Variants in PTPRD observed in about 807,000 individuals in gnomAD.
PTPRD encodes receptor-type tyrosine-protein phosphatase delta.
A neutral mutation model predicts 214.5 loss-of-function variants in PTPRD; 34 were observed. The observed-to-expected ratio is 0.16, with a 90% CI of 0.12 to 0.21. The LOEUF is 0.21. PTPRD is among the 10% of genes least tolerant of loss of function. PTPRD has a pLI of 1.00. For synonymous variants in PTPRD, 1,128 were observed against 845.7 expected, an observed-to-expected ratio of 1.33 and a Z score of -5.79; for missense variants, 2,545 against 2,398.7, an observed-to-expected ratio of 1.06 and a Z score of -1.27.
intron 2 of PTPRD, among the ~76,000 whole-genome samples, chr9:10,364,303 T>C (rs1200602103): frequency 6.6e-6 from 1 of 151,924 alleles, no homozygotes; most frequent in East Asian, 1.9e-4. Context: ...TCCCAGTCTA[T>C]TACCTCCACG....
At chr9:9,623,888 T>G (rs2095330363) in intron 7 of PTPRD, among the ~76,000 whole-genome samples, 1 of 152,188 alleles carries the variant, frequency 6.6e-6, no homozygotes, top group African/African-American at 2.4e-5. Flanking sequence ...TCTCTTAGAT[T>G]GCCCAAAACT....
At chr9:8,670,892 G>C (rs754746165) in intron 12 of PTPRD, among the ~76,000 whole-genome samples, 1 of 152,202 alleles carries the variant, frequency 6.6e-6, no homozygotes, top group African/African-American at 2.4e-5. Flanking sequence ...ACATTTGAGA[G>C]AGCAGCTGAG....
At chr9:8,810,404 T>G (rs578207665) in intron 11 of PTPRD, among the ~76,000 whole-genome samples, 1 of 152,178 alleles carries the variant, frequency 6.6e-6, no homozygotes, top group Non-Finnish European at 1.5e-5. Flanking sequence ...AATTCAAACA[T>G]CACCCTGGAT....
intron 8 of PTPRD, among the ~76,000 whole-genome samples, chr9:9,408,256 C>G (rs1481203244): frequency 1.3e-5 from 2 of 151,930 alleles, no homozygotes; most frequent in African/African-American, 4.8e-5. Flanking sequence ...GGTATCACTT[C>G]TTAAACTTTT....
At chr9:9,555,649 C>A (rs185366228) in intron 8 of PTPRD, among the ~76,000 whole-genome samples, 1 of 152,038 alleles carries the variant, frequency 6.6e-6, no homozygotes, top group African/African-American at 2.4e-5. Context: ...TGTTGTAAAT[C>A]TAGTACAAGA....
chr9:10,265,653 G>C (rs1469408270), intron 3 of PTPRD, among the ~76,000 whole-genome samples: 1 of 152,116 alleles, frequency 6.6e-6, no homozygotes, highest in Non-Finnish European at 1.5e-5. Context: ...AAATAAATGA[G>C]CAAGGCTGTG....
chr9:9,356,373 CTTG>C (rs963590527), intron 9 of PTPRD, among the ~76,000 whole-genome samples: 1 of 151,256 alleles, frequency 6.6e-6, no homozygotes, highest in African/African-American at 2.4e-5. Context: ...GCAGATTATT[CTTG>C]TTGTATAACA....
intron 10 of PTPRD, among the ~76,000 whole-genome samples, chr9:9,180,473 G>C (rs1271095773): frequency 1.3e-5 from 2 of 148,330 alleles, no homozygotes; most frequent in East Asian, 4.0e-4. Flanking sequence ...CGGAGGGATA[G>C]CATTAGGAGA....
At chr9:9,725,554 A>G (rs1007431506) in intron 7 of PTPRD, among the ~76,000 whole-genome samples, 2 of 152,158 alleles carry the variant, frequency 1.3e-5, no homozygotes, top group African/African-American at 4.8e-5. Flanking sequence ...TCCTCTGTCT[A>G]CATTCAGGGC....
intron 10 of PTPRD, among the ~76,000 whole-genome samples, chr9:9,035,877 C>T (rs746111770): frequency 6.6e-6 from 1 of 151,822 alleles, no homozygotes. Context: ...GAGAGAATTT[C>T]TGGGTTGGGA....
intron 3 of PTPRD, among the ~76,000 whole-genome samples, chr9:10,278,105 G>A (rs1393025706): frequency 1.3e-5 from 2 of 151,512 alleles, no homozygotes; most frequent in African/African-American, 2.4e-5. Context: ...GCGAAGAGCC[G>A]AGATAGCGCC....
chr9:8,651,719 GC>G (rs1433860580), intron 12 of PTPRD, among the ~76,000 whole-genome samples: 1 of 152,078 alleles, frequency 6.6e-6, no homozygotes, highest in Non-Finnish European at 1.5e-5. Context: ...AGGGGGAAGG[GC>G]CGTTTTTTCT....
intron 5 of PTPRD, among the ~76,000 whole-genome samples, chr9:9,869,440 A>C (rs1051921317): frequency 1.3e-5 from 2 of 152,226 alleles, no homozygotes; most frequent in South Asian, 2.1e-4. Flanking sequence ...GAATTCACCT[A>C]TATCTTCTCT....
At chr9:10,248,021 G>C (rs1469392555) in intron 3 of PTPRD, among the ~76,000 whole-genome samples, 1 of 152,090 alleles carries the variant, frequency 6.6e-6, no homozygotes, top group Admixed American at 6.6e-5. Flanking sequence ...AAAATGGGAG[G>C]TGCCCTGTGC....
At chr9:10,313,323 A>C (rs923706220) in intron 3 of PTPRD, among the ~76,000 whole-genome samples, 1 of 151,738 alleles carries the variant, frequency 6.6e-6, no homozygotes, top group Non-Finnish European at 1.5e-5. Context: ...ATTTGAAGAA[A>C]AGAGAGAGTA....
intron 11 of PTPRD, among the ~76,000 whole-genome samples, chr9:8,856,764 C>G (rs2097923255): frequency 1.3e-5 from 2 of 152,170 alleles, no homozygotes; most frequent in South Asian, 2.1e-4. Flanking sequence ...ATCTGGAATC[C>G]TGGAACACCA....
At chr9:9,192,558 G>A (rs1377996003) in intron 9 of PTPRD, among the ~76,000 whole-genome samples, 3 of 151,972 alleles carry the variant, frequency 2.0e-5, no homozygotes, top group South Asian at 2.1e-4. Flanking sequence ...CTTTATTCTT[G>A]TTTGTTACTA....
chr9:8,658,890 G>A (rs968726167), intron 12 of PTPRD, among the ~76,000 whole-genome samples: 2 of 152,058 alleles, frequency 1.3e-5, no homozygotes, highest in African/African-American at 4.8e-5. Context: ...CAATTGCAAT[G>A]GATATCTAGA....
At chr9:10,306,167 C>T (rs1025469308) in intron 3 of PTPRD, among the ~76,000 whole-genome samples, 2 of 147,248 alleles carry the variant, frequency 1.4e-5, no homozygotes, top group Non-Finnish European at 3.0e-5. Flanking sequence ...CAAACGAACA[C>T]AAAAACAGAA....
Sources: allele counts gnomAD v4.1 joint callset (sites outside exome capture counted in the v4.1 genomes callset), GRCh38; gene constraint gnomAD v4.1.1; transcripts MANE v1.5; gene names NCBI Gene and HGNC (gene_info 2026-07-23, HGNC 2026-07-21).